GAREM2: variants seen among roughly 807,000 people sequenced by gnomAD.
GAREM2 encodes GRB2 associated regulator of MAPK1 subtype 2.
GAREM2 carries 30 observed loss-of-function variants against 55.6 expected under a neutral mutation model. That is an observed-to-expected ratio of 0.54 (90% CI 0.40 to 0.73). GAREM2 has a LOEUF of 0.73. GAREM2 is among the 30% of genes least tolerant of loss of function. GAREM2 has a pLI of 0.00. For missense variants in GAREM2, 1,075 were observed against 1,257.7 expected (o/e 0.85, Z 2.20); for synonymous variants, 550 against 569.1 (o/e 0.97, Z 0.48).
downstream of GAREM2, among the ~76,000 whole-genome samples, chr2:26,193,368 A>G (rs1259892495): frequency 1.4e-5 from 2 of 144,040 alleles, no homozygotes; most frequent in Non-Finnish European, 3.0e-5. Context: ...GGCTCAAGCG[A>G]TCCTCCCACC....
At position 26,173,301 on chromosome 2, in the gene GAREM2, C is replaced by T; in HGVS notation, c.81C>T (p.Cys27=). ...AFPLDLIVSR[C]RLPTLACLGP... Reference sequence around the variant, plus strand: ...CGCTCGACCTCATCGTCAGCCGCTGCCGCCTGCCCACGCTCGCCTGCCTTG... The same window carrying T: ...CGCTCGACCTCATCGTCAGCCGCTGTCGCCTGCCCACGCTCGCCTGCCTTG... The change falls in exon 1 of 6, where the codon TGC becomes TGT. Residue 27 remains cysteine, a synonymous_variant. Transcript: ENST00000401533. 3 of 1,434,024 alleles carry T rather than the reference C, an allele frequency of 2.1e-6. No individual in the cohort carries two copies. The highest frequency in any genetic ancestry group is 2.7e-6 in the Non-Finnish European group (3 of 1,091,090). 88.8% of individuals were successfully genotyped at this position (1,434,024 alleles called of 1,614,324 possible). A position where few individuals can be genotyped will look rare whatever the true frequency, so the allele number is the denominator to read the frequency against.
the GAREM2 span, among the ~76,000 whole-genome samples, chr2:26,198,603 A>G: frequency 5.9e-5 from 9 of 152,152 alleles, no homozygotes; most frequent in East Asian, 1.7e-3. Flanking sequence ...AACACACTGA[A>G]AAGCTGAGTA....
rs144048324 is a variant in GAREM2 at position 26,179,994 on chromosome 2, C to T, written c.254-2973C>T. ...AGGGGAGGAGGCTACTCAGTGCCTG[C>T]AGTTCCTGCTTCCCAAGTCCTAGAC... On this transcript the variant is annotated intron_variant, in intron 2 of 5. Transcript: ENST00000401533. This position sits in a 1 kb window ranked among gnomAD's most constrained non-coding sequence, Gnocchi z 4.7. Among the ~76,000 whole-genome samples the T allele has an allele frequency of 0.017, 2,627 of 152,166 alleles. 83 individuals are homozygous for T. The highest frequency in any genetic ancestry group is 0.058 in the African/African-American group (2,413 of 41,476).
chr2:26,182,381 G>A, intron 2 of GAREM2: 4 of 1,543,672 alleles, frequency 2.6e-6, no homozygotes, highest in East Asian at 2.5e-5. Context: ...AACAGAGCTG[G>A]GGTCAGAGTG....
At chr2:26,193,820 C>G, downstream of GAREM2, 1 of 1,461,660 alleles carries the variant, frequency 6.8e-7, no homozygotes, top group Non-Finnish European at 9.6e-7. Context: ...CAGCCCAAAT[C>G]CCCCCAAAGG....
Position 26,188,110 on chromosome 2 carries a change from T to A in GAREM2, c.2478T>A (p.Asp826Glu), listed in dbSNP as rs371105590. 33 of 1,551,172 alleles carry A rather than the reference T, an allele frequency of 2.1e-5. No individual in the cohort carries two copies. Among genetic ancestry groups the A allele is most frequent in the African/African-American group, 2.7e-5 (2 of 73,056 alleles). ...TGCGTTTCATCGGGCTCTCAGAGGA[T>A]GTGGTGAGCTTCTTTGCCCGAGAAC... ...RSLRFIGLSE[D>E]VVSFFARERI... The change falls in exon 6 of 6, where the codon GAT (aspartate) becomes GAA (glutamate). Residue 826 changes from aspartate (D) to glutamate (E), a missense_variant. Coordinates refer to ENST00000401533, the MANE Select transcript of GAREM2 (RefSeq NM_001168241.2).
downstream of GAREM2, chr2:26,194,533 G>A: frequency 5.5e-6 from 7 of 1,269,190 alleles, no homozygotes; most frequent in Non-Finnish European, 8.1e-6. Flanking sequence ...CTGAAGGAGT[G>A]GAAGATGCCG....
the GAREM2 span, among the ~76,000 whole-genome samples, chr2:26,202,088 C>T: frequency 8.6e-5 from 13 of 152,042 alleles, no homozygotes; most frequent in Non-Finnish European, 1.9e-4. Context: ...CGTGAGCCAC[C>T]GCGCCCAGCC....
chr2:26,190,803 C>T (rs1574599559), downstream of GAREM2: 1 of 273,620 alleles, frequency 3.7e-6, no homozygotes, highest in East Asian at 9.4e-5. Context: ...TTCTTACTCC[C>T]CCAAAGCACA....
rs1668969361 is a variant in GAREM2 at position 26,179,324 on chromosome 2, A to G, written c.253+2840A>G. ...CCTCTGGCCCAACTAGGATGTTTCC[A>G]TTTTACAGACGGGAAATCCGAAGCC... On this transcript the variant is annotated intron_variant, in intron 2 of 5. Coordinates refer to ENST00000401533, the MANE Select transcript of GAREM2 (RefSeq NM_001168241.2). The surrounding 1 kb of genome is among the most constrained non-coding windows in gnomAD (Gnocchi z 4.7). 6.6e-6 allele frequency among the ~76,000 whole-genome samples: 1 copy of G among 152,162 alleles called. No homozygotes were observed. The highest frequency in any genetic ancestry group is 1.5e-5 in the Non-Finnish European group (1 of 68,036).
At chr2:26,190,785 C>T, downstream of GAREM2, 1 of 252,016 alleles carries the variant, frequency 4.0e-6, no homozygotes, top group South Asian at 5.2e-5. Context: ...TAGAATTCTG[C>T]ACACACATTC....
the GAREM2 span, chr2:26,194,696 A>C: frequency 9.3e-7 from 1 of 1,076,222 alleles, no homozygotes; most frequent in Non-Finnish European, 1.4e-6. Flanking sequence ...AGTCTGAAAC[A>C]CTCTACCTTT....
At chr2:26,173,872 GCCGGGTCTGCTGCCCGGCGTGAC>G (rs1243303863) in intron 1 of GAREM2, among the ~76,000 whole-genome samples, 2 of 152,090 alleles carry the variant, frequency 1.3e-5, no homozygotes, top group Non-Finnish European at 2.9e-5. Flanking sequence ...GCCGGCGGGA[GCCGGGTCTGCTGCCCGGCGTGAC>G]CCCCAAACTC....
downstream of GAREM2, chr2:26,192,371 C>G (rs1669533378): frequency 6.2e-7 from 1 of 1,611,108 alleles, no homozygotes; most frequent in African/African-American, 1.3e-5. Context: ...GAATTCAAAT[C>G]CTTCCTCTTC....
rs143185161 is a variant in GAREM2, at chr2:26,182,519, AC to A, written c.254-443del. ...GTAGGGCCCATGATCATCTGTCCCT[AC>A]CCCCTCAGATGAGGACCCAGAGGCC... On this transcript the variant is annotated intron_variant, in intron 2 of 5. Transcript: ENST00000401533. The A allele has an allele frequency of 2.2e-4, 345 of 1,540,454 alleles. No individual in the cohort carries two copies. In the African/African-American group the frequency reaches 3.9e-3, roughly 18 times the overall value.
chr2:26,191,270 T>G, downstream of GAREM2: 1 of 1,612,766 alleles, frequency 6.2e-7, no homozygotes, highest in East Asian at 2.2e-5. Flanking sequence ...AACTTCTTGT[T>G]AGGGCTGTTA....
In GAREM2 at chr2:26,182,570, G is replaced by A. The variant is rs549947014; in HGVS notation, c.254-397G>A. The A allele has an allele frequency of 3.5e-4, 490 of 1,404,826 alleles. 1 individual carries two copies. Among genetic ancestry groups the A allele is most frequent in the East Asian group, 4.2e-4 (17 of 40,292 alleles). 87.0% of individuals were successfully genotyped at this position (1,404,826 alleles called of 1,614,324 possible). On this transcript the variant is annotated intron_variant, in intron 2 of 5. Coordinates refer to ENST00000401533, the MANE Select transcript of GAREM2 (RefSeq NM_001168241.2). The stretch of plus-strand genomic sequence containing the variant: ...CCAGAGAGGGAAAGGAACTTGTCAC[G>A]GCAAGTCAGAGGTCAGGCTGGGACA...
chr2:26,195,154 C>G, the GAREM2 span: 1 of 1,612,874 alleles, frequency 6.2e-7, no homozygotes, highest in Non-Finnish European at 8.5e-7. Flanking sequence ...GCACTGGTGT[C>G]TTTGGAAGTT....
downstream of GAREM2, among the ~76,000 whole-genome samples, chr2:26,192,944 C>A (rs892428532): frequency 1.3e-5 from 2 of 152,146 alleles, no homozygotes; most frequent in African/African-American, 4.8e-5. Flanking sequence ...ATGAGAAAGG[C>A]CACCTGGGTG....
Sources: gnomAD v4.1 joint callset for allele counts (sites outside exome capture counted in the v4.1 genomes callset) on GRCh38, gnomAD v4.1.1 for gene constraint, Gnocchi (gnomAD v3.1) non-coding constraint, MANE v1.5 for transcripts, NCBI Gene and HGNC (gene_info 2026-07-23, HGNC 2026-07-21) for gene names.